The following NTM variants were observed in gnomAD, a reference collection of about 807,000 sequenced individuals.
NTM encodes the protein IgLON family member 2.
In NTM, 13 loss-of-function variants were observed where a neutral mutation model predicts 42.1. The ratio of observed to expected loss-of-function variants is 0.31; its 90% CI spans 0.20 to 0.49. The LOEUF (loss-of-function observed/expected upper bound fraction) is 0.49, where lower values mean the gene tolerates loss of function less well. Among genes scored for constraint, NTM ranks in the 20% least tolerant of loss-of-function variants. The probability of loss-of-function intolerance (pLI) is 0.99; values close to 1 mark genes in which losing one functional copy is unlikely to be tolerated. For missense variants in NTM, 373 were observed against 452.8 expected (o/e 0.82, Z 1.60); for synonymous variants, 187 against 179.2 (o/e 1.04, Z -0.35).
At chr11:131,986,878 A>G (rs979046716) in intron 2 of NTM, among the ~76,000 whole-genome samples, 2 of 152,216 alleles carry the variant, frequency 1.3e-5, no homozygotes, top group African/African-American at 4.8e-5. Flanking sequence ...TATGGGGGAA[A>G]TCTGACACAT....
rs1941536227 is a variant in NTM, at chr11:131,373,660, CCTT to C, written c.82+2775_82+2777del. ...TCCCTTGCAGAACACCCACCGCCCA[CCTT>C]CTGCCACTGAGAGCCTCTGAAAGGA... On this transcript the variant is annotated intron_variant, in intron 1 of 8. Coordinates refer to ENST00000683400, the MANE Select transcript of NTM (RefSeq NM_001352005.2). Among the ~76,000 whole-genome samples, 3 of 152,084 alleles carry C rather than the reference CCTT, an allele frequency of 2.0e-5. No individual in the cohort carries two copies. The South Asian group carries it at 6.2e-4, about 32-fold the overall frequency.
intron 2 of NTM, among the ~76,000 whole-genome samples, chr11:132,075,497 G>A (rs961318664): frequency 1.8e-4 from 24 of 136,912 alleles, no homozygotes; most frequent in African/African-American, 5.9e-4. Flanking sequence ...TCTAAGGTTA[G>A]CAAACATTTT....
At chr11:132,037,957 T>C (rs922753385) in intron 2 of NTM, among the ~76,000 whole-genome samples, 12 of 152,212 alleles carry the variant, frequency 7.9e-5, no homozygotes, top group African/African-American at 2.2e-4. Context: ...CCAAACTAAT[T>C]TGTGTTTGCA....
chr11:131,682,973 C>T (rs1212377925), intron 1 of NTM, among the ~76,000 whole-genome samples: 1 of 152,134 alleles, frequency 6.6e-6, no homozygotes, highest in Non-Finnish European at 1.5e-5. Flanking sequence ...CACATCCCAA[C>T]ACCAGCTCCC....
chr11:132,139,349 C>T (rs1250470760), intron 2 of NTM, among the ~76,000 whole-genome samples: 2 of 152,158 alleles, frequency 1.3e-5, no homozygotes, highest in Non-Finnish European at 2.9e-5. Flanking sequence ...CTTGTGGGAG[C>T]CGTGACTTAC....
At chr11:132,157,205 G>C (rs1404380827) in intron 3 of NTM, among the ~76,000 whole-genome samples, 1 of 152,166 alleles carries the variant, frequency 6.6e-6, no homozygotes, top group Non-Finnish European at 1.5e-5. Context: ...CAAATACACT[G>C]ACCTTCAATG....
Position 131,873,581 on chromosome 11 carries a change from A to G in NTM, c.83-37983A>G, listed in dbSNP as rs1019625035. ...ATATACCGTATATATATACATATAT[A>G]TATACCGTATATATATACATATATA... On this transcript the variant is annotated intron_variant, in intron 1 of 8. Coordinates refer to ENST00000683400, the MANE Select transcript of NTM (RefSeq NM_001352005.2). Among the ~76,000 whole-genome samples, 9 of 45,742 alleles carry G rather than the reference A, an allele frequency of 2.0e-4. 2 individuals carry two copies. The highest frequency in any genetic ancestry group is 5.2e-4 in the Non-Finnish European group (9 of 17,168). 30.0% of individuals were successfully genotyped at this position (45,742 alleles called of 152,430 possible). A position where few individuals can be genotyped will look rare whatever the true frequency, so the allele number is the denominator to read the frequency against.
intron 1 of NTM, chr11:131,769,651 C>T: frequency 1.1e-6 from 1 of 876,948 alleles, no homozygotes; most frequent in Non-Finnish European, 1.4e-6. Context: ...CATGAGCTCG[C>T]TTTTACAGAC....
chr11:131,584,537 T>C (rs1399767311), intron 1 of NTM, among the ~76,000 whole-genome samples: 1 of 152,130 alleles, frequency 6.6e-6, no homozygotes, highest in Admixed American at 6.5e-5. Flanking sequence ...CTGGGTCCCA[T>C]TAGTAGTCAA....
At chr11:132,006,710 C>T (rs1380667475) in intron 2 of NTM, among the ~76,000 whole-genome samples, 3 of 152,216 alleles carry the variant, frequency 2.0e-5, no homozygotes, top group African/African-American at 7.2e-5. Flanking sequence ...CTAGGAATCT[C>T]CTCCAAAGAA....
At chr11:132,268,228 A>T (rs573763253) in intron 4 of NTM, among the ~76,000 whole-genome samples, 1 of 152,350 alleles carries the variant, frequency 6.6e-6, no homozygotes, top group South Asian at 2.1e-4. Context: ...TTAAAGGTAG[A>T]CTTCTAGAAT....
At position 131,617,182 on chromosome 11, in the gene NTM, T is replaced by C. The variant is rs1176858038; in HGVS notation, c.82+246294T>C. On this transcript the variant is annotated intron_variant, in intron 1 of 8. Transcript: ENST00000683400. The stretch of plus-strand genomic sequence containing the variant: ...CTCTGATGGCGTGTGTGTACTCCTG[T>C]GTAACTGAGGCCGCTTGGGAATGTT... Among the ~76,000 whole-genome samples, 4 of 151,762 alleles carry C rather than the reference T, an allele frequency of 2.6e-5. No homozygotes were observed. In the East Asian group the frequency reaches 5.8e-4, roughly 22 times the overall value.
intron 3 of NTM, among the ~76,000 whole-genome samples, chr11:132,176,797 C>T (rs767637341): frequency 3.0e-5 from 4 of 135,134 alleles, no homozygotes; most frequent in Admixed American, 8.4e-5. Flanking sequence ...GGCACAATCT[C>T]GGCTCACTGC....
In NTM at chr11:131,679,282, G is replaced by A. The variant is rs553756236; in HGVS notation, c.83-232282G>A. ...TCCATGTGCAAAGACACAGAAGGGC[G>A]TTCCATGCATGAAAAGAAGAAAGTG... On this transcript the variant is annotated intron_variant, in intron 1 of 8. Transcript: ENST00000683400. Among the ~76,000 whole-genome samples the A allele has an allele frequency of 4.6e-4, 70 of 152,290 alleles. 1 individual carries two copies. Among genetic ancestry groups the A allele is most frequent in the Admixed American group, 1.8e-3 (27 of 15,302 alleles).
intron 1 of NTM, among the ~76,000 whole-genome samples, chr11:131,382,055 T>G (rs1340909490): frequency 1.3e-5 from 2 of 152,198 alleles, no homozygotes; most frequent in Non-Finnish European, 2.9e-5. Context: ...TTTGAAATAG[T>G]ACTCTAAATT....
At chr11:131,975,949 C>T (rs147500814) in intron 2 of NTM, among the ~76,000 whole-genome samples, 149 of 152,256 alleles carry the variant, frequency 9.8e-4, no homozygotes, top group African/African-American at 3.5e-3. Context: ...GTTGGCAGAA[C>T]CAAGCAGCTC....
At chr11:132,148,982 A>G (rs1408195113) in intron 3 of NTM, among the ~76,000 whole-genome samples, 2 of 152,148 alleles carry the variant, frequency 1.3e-5, no homozygotes, top group Admixed American at 6.5e-5. Flanking sequence ...TAATTTTCGA[A>G]TGCTGATGGG....
intron 1 of NTM, among the ~76,000 whole-genome samples, chr11:131,588,465 A>T (rs951249128): frequency 1.3e-5 from 2 of 152,252 alleles, no homozygotes; most frequent in African/African-American, 4.8e-5. Flanking sequence ...CTAGTGTGCC[A>T]TGGTTATGAA....
chr11:132,122,320 C>A (rs1051374166), intron 2 of NTM, among the ~76,000 whole-genome samples: 1 of 152,120 alleles, frequency 6.6e-6, no homozygotes, highest in Admixed American at 6.5e-5. Context: ...GAGGGGTAGA[C>A]GTGGATTTTC....
Sources: gnomAD v4.1 joint callset for allele counts (sites outside exome capture counted in the v4.1 genomes callset) on GRCh38, gnomAD v4.1.1 for gene constraint, MANE v1.5 for transcripts, NCBI Gene and HGNC (gene_info 2026-07-23, HGNC 2026-07-21) for gene names.